Variants in ARHGAP24 observed in about 807,000 individuals in gnomAD.
ARHGAP24 encodes the protein rho GTPase-activating protein 24.
Under a neutral mutation model 76.4 loss-of-function variants are expected in ARHGAP24, and 50 were observed. That is an observed-to-expected ratio of 0.65 (90% CI 0.52 to 0.83). The LOEUF is 0.83. Ranked by LOEUF, ARHGAP24 falls within the 40% of genes least tolerant of loss-of-function variation. ARHGAP24 has a pLI of 0.00. For synonymous variants in ARHGAP24, 345 were observed against 323.3 expected (o/e 1.07, Z -0.72); for missense variants, 930 against 914.2 (o/e 1.02, Z -0.22).
chr4:85,503,621 G>A (rs1483772648), intron 1 of ARHGAP24, among the ~76,000 whole-genome samples: 2 of 151,730 alleles, frequency 1.3e-5, no homozygotes, highest in Non-Finnish European at 2.9e-5. Flanking sequence ...TTCTTTATTA[G>A]TGTTGCTAGC....
At chr4:85,861,766 C>T (rs1002134072) in intron 3 of ARHGAP24, among the ~76,000 whole-genome samples, 2 of 152,062 alleles carry the variant, frequency 1.3e-5, no homozygotes, top group Non-Finnish European at 1.5e-5. Context: ...ATTCACACCA[C>T]GATTACTGAA....
At chr4:85,913,142 C>T (rs1735178969) in intron 3 of ARHGAP24, among the ~76,000 whole-genome samples, 1 of 152,066 alleles carries the variant, frequency 6.6e-6, no homozygotes, top group South Asian at 2.1e-4. Flanking sequence ...CCAGCCATTG[C>T]TGCCCCCATT....
intron 3 of ARHGAP24, among the ~76,000 whole-genome samples, chr4:85,833,128 G>C (rs1730079716): frequency 1.3e-5 from 2 of 152,170 alleles, no homozygotes; most frequent in East Asian, 3.8e-4. Flanking sequence ...GTTCTTAACT[G>C]TCCTGATTCC....
intron 2 of ARHGAP24, among the ~76,000 whole-genome samples, chr4:85,713,966 C>A (rs1266682497): frequency 6.6e-6 from 1 of 152,092 alleles, no homozygotes; most frequent in Non-Finnish European, 1.5e-5. Flanking sequence ...ATTTCTAGGT[C>A]TCTTACAATT....
At chr4:85,966,926 A>G (rs186376183) in intron 5 of ARHGAP24, among the ~76,000 whole-genome samples, 303 of 152,292 alleles carry the variant, frequency 2.0e-3, no homozygotes, top group African/African-American at 7.2e-3. Flanking sequence ...CATAGTATTC[A>G]GAGTGAAAAA....
At chr4:85,753,425 T>C (rs904513474) in intron 3 of ARHGAP24, among the ~76,000 whole-genome samples, 11 of 152,326 alleles carry the variant, frequency 7.2e-5, no homozygotes, top group African/African-American at 2.4e-4. Flanking sequence ...AGGACCTTCA[T>C]TTCAAAGCCT....
chr4:85,485,779 G>A (rs1723028276), intron 1 of ARHGAP24, among the ~76,000 whole-genome samples: 1 of 150,066 alleles, frequency 6.7e-6, no homozygotes, highest in South Asian at 2.1e-4. Context: ...TTGTCACCCA[G>A]GCTGGAGTGC....
At chr4:85,652,952 T>G (rs1394192550) in intron 2 of ARHGAP24, among the ~76,000 whole-genome samples, 1 of 152,190 alleles carries the variant, frequency 6.6e-6, no homozygotes, top group African/African-American at 2.4e-5. Context: ...TACTTTTTGT[T>G]TCAGTGTTGA....
chr4:85,488,122 G>T (rs909597881), intron 1 of ARHGAP24, among the ~76,000 whole-genome samples: 9 of 151,400 alleles, frequency 5.9e-5, no homozygotes, highest in Non-Finnish European at 1.2e-4. Context: ...TCAGCTGTGA[G>T]ACACTGTGGG....
intron 3 of ARHGAP24, among the ~76,000 whole-genome samples, chr4:85,807,329 A>T (rs1728832342): frequency 6.7e-6 from 1 of 149,970 alleles, no homozygotes; most frequent in African/African-American, 2.5e-5. Flanking sequence ...CTCATTGTTC[A>T]ACTCCCACTT....
intron 8 of ARHGAP24, among the ~76,000 whole-genome samples, chr4:85,987,284 T>A (rs1240307062): frequency 5.3e-5 from 8 of 152,134 alleles, no homozygotes. Flanking sequence ...AAATTAAGCT[T>A]ATTAACATAT....
At chr4:85,814,590 T>C (rs1729156570) in intron 3 of ARHGAP24, among the ~76,000 whole-genome samples, 1 of 152,184 alleles carries the variant, frequency 6.6e-6, no homozygotes, top group Admixed American at 6.5e-5. Flanking sequence ...GGCATGCTGA[T>C]GTAAGAGGTA....
Position 85,692,274 on chromosome 4 carries a change from A to C in ARHGAP24, c.181-29611A>C, listed in dbSNP as rs904873997. Reference sequence around the variant, plus strand: ...TGCCTTTAAGATTTTTTTATTTGACATTGAGCTTGGGGAATCCAATTACTA... The same window carrying C: ...TGCCTTTAAGATTTTTTTATTTGACCTTGAGCTTGGGGAATCCAATTACTA... On this transcript the variant is annotated intron_variant, in intron 2 of 9. Transcript: ENST00000395184. 2.6e-5 allele frequency among the ~76,000 whole-genome samples: 4 copies of C among 152,168 alleles called. No homozygotes were observed. In the South Asian group the frequency reaches 6.2e-4, roughly 24 times the overall value.
intron 8 of ARHGAP24, among the ~76,000 whole-genome samples, chr4:85,982,946 G>A (rs1739762235): frequency 6.6e-6 from 1 of 152,028 alleles, no homozygotes; most frequent in Admixed American, 6.6e-5. Context: ...ACAAACACCA[G>A]TGTGTGTTGT....
At chr4:85,666,211 G>A (rs1318797738) in intron 2 of ARHGAP24, among the ~76,000 whole-genome samples, 6 of 152,042 alleles carry the variant, frequency 3.9e-5, no homozygotes, top group Non-Finnish European at 7.4e-5. Context: ...GGCTTTGTTC[G>A]TTTGTTTTTA....
At chr4:85,524,075 A>G (rs1480855382) in intron 1 of ARHGAP24, among the ~76,000 whole-genome samples, 1 of 152,104 alleles carries the variant, frequency 6.6e-6, no homozygotes, top group Non-Finnish European at 1.5e-5. Context: ...GAGACTGAAT[A>G]ATTTTTCAGT....
chr4:86,000,449 ACCCC>A, intron 9 of ARHGAP24, 26 bp from the exon 10 acceptor site: 1 of 383,222 alleles, frequency 2.6e-6, no homozygotes, highest in Non-Finnish European at 4.7e-6. Context: ...TTGCGTCCCC[ACCCC>A]CCACCCCCCC....
At chr4:85,769,161 G>A (rs2110077700) in intron 3 of ARHGAP24, among the ~76,000 whole-genome samples, 1 of 152,312 alleles carries the variant, frequency 6.6e-6, no homozygotes, top group East Asian at 1.9e-4. Flanking sequence ...AAGAGGAATG[G>A]ATATGAAGGA....
chr4:85,484,144 A>G (rs1162328208), intron 1 of ARHGAP24, among the ~76,000 whole-genome samples: 2 of 152,118 alleles, frequency 1.3e-5, no homozygotes, highest in East Asian at 1.9e-4. Flanking sequence ...GCAGCTGGGT[A>G]AGTCCCACAG....
Sources: allele counts gnomAD v4.1 joint callset (sites outside exome capture counted in the v4.1 genomes callset), GRCh38; gene constraint gnomAD v4.1.1; transcripts MANE v1.5; gene names NCBI Gene and HGNC (gene_info 2026-07-23, HGNC 2026-07-21).